The following DCDC1 variants were observed in gnomAD, a reference collection of about 807,000 sequenced individuals.
DCDC1 encodes doublecortin domain containing 1, also known as doublecortin domain-containing protein 1.
In DCDC1, 200 loss-of-function variants were observed where a neutral mutation model predicts 178.3. That is an observed-to-expected ratio of 1.12 (90% CI 1.00 to 1.26). The LOEUF is 1.26. Ranked by LOEUF, DCDC1 falls within the 50% of genes most tolerant of loss-of-function variation. DCDC1 has a pLI of 0.00. For missense variants in DCDC1, 1,983 were observed against 1,749.2 expected (o/e 1.13, Z -2.38); for synonymous variants, 690 against 604.8 (o/e 1.14, Z -2.07).
At chr11:31,100,842 A>C (rs1669723355) in intron 15 of DCDC1, among the ~76,000 whole-genome samples, 1 of 152,200 alleles carries the variant, frequency 6.6e-6, no homozygotes, top group South Asian at 2.1e-4. Context: ...TACAGCAAAA[A>C]TCTAATGATG....
At chr11:30,870,968 A>G (rs923917025) in intron 38 of DCDC1, among the ~76,000 whole-genome samples, 1 of 152,236 alleles carries the variant, frequency 6.6e-6, no homozygotes, top group Non-Finnish European at 1.5e-5. Context: ...CCATGTCCAC[A>G]GCTTCCTGAG....
chr11:31,099,721 G>GTTT (rs371157451), intron 15 of DCDC1, among the ~76,000 whole-genome samples: 1 of 136,200 alleles, frequency 7.3e-6, no homozygotes, highest in Non-Finnish European at 1.6e-5. Flanking sequence ...TTTGTTTGTT[G>GTTT]TTTTTTTTTT....
intron 8 of DCDC1, among the ~76,000 whole-genome samples, chr11:31,258,520 T>C (rs1026707554): frequency 6.6e-6 from 1 of 151,990 alleles, no homozygotes; most frequent in Non-Finnish European, 1.5e-5. Flanking sequence ...AAGGAAGAAG[T>C]ATATAGTAGA....
At chr11:30,885,157 TAGTC>T (rs916513396) in intron 36 of DCDC1, among the ~76,000 whole-genome samples, 3 of 151,664 alleles carry the variant, frequency 2.0e-5, no homozygotes, top group African/African-American at 4.8e-5. Context: ...GAAAAAATAT[TAGTC>T]AGTGAATAGA....
At chr11:31,013,583 A>T (rs1227922824) in intron 20 of DCDC1, among the ~76,000 whole-genome samples, 1 of 152,188 alleles carries the variant, frequency 6.6e-6, no homozygotes, top group African/African-American at 2.4e-5. Flanking sequence ...GCTCTTTCAT[A>T]TATACAGTAG....
In DCDC1 at chr11:31,189,317, T is replaced by A. The variant is rs559266679; in HGVS notation, c.1222-51533A>T. Among the ~76,000 whole-genome samples, 131 of 152,298 alleles carry A rather than the reference T, an allele frequency of 8.6e-4. 1 individual carries two copies. The highest frequency in any genetic ancestry group is 3.4e-3 in the Middle Eastern group (1 of 294). On this transcript the variant is annotated intron_variant, in intron 9 of 38. Coordinates refer to ENST00000684477, the MANE Select transcript of DCDC1 (RefSeq NM_001387274.1). ...TTTCACACATTGGAAAAGTAGATAA[T>A]GTCCCCTATAGTCTAACAAATGTAA...
chr11:31,257,458 A>C (rs1010664771), intron 8 of DCDC1, among the ~76,000 whole-genome samples: 8 of 152,200 alleles, frequency 5.3e-5, no homozygotes, highest in Admixed American at 1.3e-4. Context: ...TCTTCAGTTA[A>C]GATACAGAAA....
chr11:31,289,570 A>C (rs1007785527), intron 7 of DCDC1, among the ~76,000 whole-genome samples: 33 of 152,078 alleles, frequency 2.2e-4, no homozygotes, highest in Non-Finnish European at 2.6e-4. Flanking sequence ...GTTTCAAGCA[A>C]CATTCAATTC....
intron 9 of DCDC1, among the ~76,000 whole-genome samples, chr11:31,216,302 C>T (rs1034678659): frequency 3.3e-5 from 5 of 151,992 alleles, no homozygotes; most frequent in East Asian, 3.9e-4. Flanking sequence ...CTAATGCTTA[C>T]GAATTGGAAT....
intron 20 of DCDC1, among the ~76,000 whole-genome samples, chr11:31,029,538 AT>A: frequency 6.6e-6 from 1 of 152,134 alleles, no homozygotes; most frequent in South Asian, 2.1e-4. Flanking sequence ...TTTAATATAT[AT>A]TTTTTAAATT....
chr11:31,133,920 C>T (rs1194687785), intron 10 of DCDC1, among the ~76,000 whole-genome samples: 8 of 152,130 alleles, frequency 5.3e-5, no homozygotes, highest in Non-Finnish European at 8.8e-5. Context: ...CCAGGCTGGT[C>T]TCGAACCCCT....
intron 8 of DCDC1, among the ~76,000 whole-genome samples, chr11:31,253,479 T>C (rs1944206890): frequency 6.6e-6 from 1 of 151,678 alleles, no homozygotes; most frequent in African/African-American, 2.4e-5. Flanking sequence ...AGACAAAAAG[T>C]TATCTTTAGT....
intron 20 of DCDC1, among the ~76,000 whole-genome samples, chr11:30,974,915 C>T (rs1950020156): frequency 6.6e-6 from 1 of 151,868 alleles, no homozygotes; most frequent in African/African-American, 2.4e-5. Flanking sequence ...AAGGATGCAA[C>T]AACAAAAAGA....
In DCDC1 at chr11:31,155,480, T is replaced by C. The variant is rs372960932; in HGVS notation, c.1222-17696A>G. Among the ~76,000 whole-genome samples the C allele has an allele frequency of 2.6e-5, 4 of 152,348 alleles. No homozygotes were observed. In the East Asian group the frequency reaches 5.8e-4, roughly 22 times the overall value. On this transcript the variant is annotated intron_variant, in intron 9 of 38. Transcript: ENST00000684477. ...TTTGAAATCTCCACAGAAAAAATAA[T>C]CTCCTTCCTTTGAATTCTTTTTATG...
chr11:31,135,874 A>G (rs1447290851), intron 10 of DCDC1, among the ~76,000 whole-genome samples: 3 of 152,122 alleles, frequency 2.0e-5, no homozygotes, highest in African/African-American at 2.4e-5. Context: ...TTCATTTCCA[A>G]TGTTGCTAAC....
intron 9 of DCDC1, among the ~76,000 whole-genome samples, chr11:31,182,110 C>T (rs1049718682): frequency 6.6e-5 from 10 of 152,264 alleles, no homozygotes; most frequent in African/African-American, 1.9e-4. Flanking sequence ...ACCAAACCTA[C>T]GTTTGATTGG....
intron 1 of DCDC1, among the ~76,000 whole-genome samples, chr11:31,361,237 T>C (rs559414409): frequency 1.8e-4 from 28 of 152,300 alleles, no homozygotes; most frequent in Admixed American, 1.5e-3. Flanking sequence ...TTTATAATCA[T>C]ATTACCTTCT....
intron 9 of DCDC1, among the ~76,000 whole-genome samples, chr11:31,197,872 G>A (rs1294666871): frequency 6.6e-6 from 1 of 151,960 alleles, no homozygotes; most frequent in Non-Finnish European, 1.5e-5. Flanking sequence ...AGCACTTACT[G>A]GTCAAGTCAT....
intron 20 of DCDC1, among the ~76,000 whole-genome samples, chr11:31,045,480 T>G (rs1016753080): frequency 6.6e-6 from 1 of 152,054 alleles, no homozygotes. Context: ...TCTAAATAGC[T>G]TAGCAGAAAA....
Sources: gnomAD v4.1 joint callset for allele counts (sites outside exome capture counted in the v4.1 genomes callset) on GRCh38, gnomAD v4.1.1 for gene constraint, MANE v1.5 for transcripts, NCBI Gene and HGNC (gene_info 2026-07-23, HGNC 2026-07-21) for gene names.